The following CCDC57 variants were observed in gnomAD, a reference collection of about 807,000 sequenced individuals.
CCDC57 encodes the protein coiled-coil domain-containing protein 57.
CCDC57 carries 118 observed loss-of-function variants against 118.9 expected under a neutral mutation model. The observed-to-expected ratio is 0.99, with a 90% confidence interval of 0.86 to 1.16. The LOEUF is 1.16. Among genes scored for constraint, CCDC57 ranks in the 50% most tolerant of loss-of-function variants. The pLI is 0.00. For missense variants in CCDC57, 1,300 were observed against 1,320.7 expected, an observed-to-expected ratio of 0.98 and a Z score of 0.24; for synonymous variants, 527 against 532.9, an observed-to-expected ratio of 0.99 and a Z score of 0.15.
rs1020811208 is a variant in CCDC57 at position 82,127,225 on chromosome 17, C to T, written c.2899+467G>A. 6 of 985,288 alleles carry T rather than the reference C, an allele frequency of 6.1e-6. No homozygotes were observed. The African/African-American group carries it at 1.0e-4, about 17-fold the overall frequency. 61.0% of individuals were successfully genotyped at this position (985,288 alleles called of 1,614,324 possible). On this transcript the variant is annotated intron_variant, in intron 19 of 19. Transcript: ENST00000665763. ...AGGATGCGGCTGACACTTGTCTGGC[C>T]CGTGAGGCTGAGCATCACTGGGGTC...
intron 19 of CCDC57, among the ~76,000 whole-genome samples, chr17:82,121,768 G>C (rs530640061): frequency 6.6e-6 from 1 of 152,290 alleles, no homozygotes; most frequent in Admixed American, 6.5e-5. Context: ...GACCATTTTG[G>C]GCACTCAGGA....
chr17:82,144,126 T>C (rs1016128507), intron 16 of CCDC57, among the ~76,000 whole-genome samples: 2 of 151,878 alleles, frequency 1.3e-5, no homozygotes, highest in African/African-American at 4.8e-5. Context: ...GGCTGACCTC[T>C]CTGAAGACAT....
intron 13 of CCDC57, among the ~76,000 whole-genome samples, chr17:82,171,073 G>C (rs1599121531): frequency 6.6e-6 from 1 of 151,138 alleles, no homozygotes; most frequent in Non-Finnish European, 1.5e-5. Context: ...GCCAGGGCAC[G>C]TGGGCTCCGG....
exon 10 of CCDC57, chr17:82,179,045 C>T (rs752181361): frequency 5.0e-6 from 8 of 1,613,726 alleles, no homozygotes; most frequent in Non-Finnish European, 6.8e-6. Context: ...TTGCCATGCT[C>T]AGACCCTGAA....
intron 19 of CCDC57, chr17:82,107,631 CAGG>C (rs928392016): frequency 8.5e-6 from 4 of 469,272 alleles, no homozygotes; most frequent in African/African-American, 2.0e-5. Flanking sequence ...CCTGTTGTGA[CAGG>C]AGAAGGAGGG....
At chr17:82,170,557 G>A (rs80300340) in intron 13 of CCDC57, among the ~76,000 whole-genome samples, 54 of 150,726 alleles carry the variant, frequency 3.6e-4, no homozygotes, top group African/African-American at 1.3e-3. Context: ...AGCATGCAGC[G>A]GGGGAGGAGT....
chr17:82,122,387 C>T (rs952909031), intron 19 of CCDC57, among the ~76,000 whole-genome samples: 48 of 48,840 alleles, frequency 9.8e-4, no homozygotes, highest in African/African-American at 3.7e-3. Flanking sequence ...GCTCAGAAGT[C>T]GGAGCAAGCA....
At chr17:82,184,623 G>A (rs556082078) in intron 8 of CCDC57, among the ~76,000 whole-genome samples, 2 of 152,354 alleles carry the variant, frequency 1.3e-5, no homozygotes, top group Middle Eastern at 6.8e-3. Context: ...AAGAGCAACT[G>A]TAGCATCACA....
chr17:82,208,161 C>T (rs1352134588), intron 1 of CCDC57: 1 of 152,060 alleles, frequency 6.6e-6, no homozygotes, highest in African/African-American at 2.4e-5. Flanking sequence ...CCACCTGCCT[C>T]GGCCTCCCAA....
chr17:82,143,138 G>A (rs2145616325), intron 16 of CCDC57, among the ~76,000 whole-genome samples: 1 of 134,104 alleles, frequency 7.5e-6, no homozygotes, highest in African/African-American at 2.8e-5. Flanking sequence ...GGCAACAAGA[G>A]TGAAACTCCG....
intron 19 of CCDC57, among the ~76,000 whole-genome samples, chr17:82,125,940 T>A (rs11650635): frequency 6.6e-6 from 1 of 151,270 alleles, no homozygotes; most frequent in Non-Finnish European, 1.5e-5. Context: ...ATGCGGGAAG[T>A]GTGAGCGATG....
chr17:82,135,985 A>C (rs2039107624), intron 16 of CCDC57, among the ~76,000 whole-genome samples: 1 of 152,230 alleles, frequency 6.6e-6, no homozygotes, highest in Non-Finnish European at 1.5e-5. Context: ...ACCCCGACAG[A>C]AAATAGCAAG....
chr17:82,135,421 C>T (rs984235355), intron 16 of CCDC57: 4 of 146,862 alleles, frequency 2.7e-5, no homozygotes, highest in Admixed American at 6.8e-5. Flanking sequence ...AATTTTAAAG[C>T]TTTTTTATCA....
At chr17:82,178,114 C>T (rs753391083) in intron 11 of CCDC57, among the ~76,000 whole-genome samples, 1 of 152,188 alleles carries the variant, frequency 6.6e-6, no homozygotes, top group South Asian at 2.1e-4. Flanking sequence ...ACTTAACTAT[C>T]GGCCACTAAC....
intron 19 of CCDC57, among the ~76,000 whole-genome samples, chr17:82,117,547 A>T (rs2036077844): frequency 1.3e-5 from 2 of 152,126 alleles, no homozygotes; most frequent in African/African-American, 4.8e-5. Context: ...CTGAGGAAGG[A>T]GGAATGCTTG....
intron 11 of CCDC57, chr17:82,175,422 A>G (rs1337619619): frequency 1.3e-5 from 2 of 152,292 alleles, no homozygotes; most frequent in Non-Finnish European, 2.9e-5. Context: ...GGAGAAGTCA[A>G]GCTGGGAACT....
At chr17:82,105,626 A>G (rs1246068040) in intron 19 of CCDC57, among the ~76,000 whole-genome samples, 1 of 151,960 alleles carries the variant, frequency 6.6e-6, no homozygotes, top group African/African-American at 2.4e-5. Flanking sequence ...GAGCTCCTGG[A>G]GCTCAGCCCT....
chr17:82,208,697 A>AT (rs58043347), intron 1 of CCDC57, among the ~76,000 whole-genome samples: 7 of 150,494 alleles, frequency 4.7e-5, no homozygotes, highest in South Asian at 2.1e-4. Context: ...TGCCCAGTTA[A>AT]TTTTTTTTTT....
chr17:82,176,646 T>C (rs2045541347), intron 11 of CCDC57, among the ~76,000 whole-genome samples: 1 of 152,196 alleles, frequency 6.6e-6, no homozygotes, highest in South Asian at 2.1e-4. Flanking sequence ...CTATGTACTC[T>C]TGTCTCATTC....
Sources: allele counts gnomAD v4.1 joint callset (sites outside exome capture counted in the v4.1 genomes callset), GRCh38; gene constraint gnomAD v4.1.1; transcripts MANE v1.5; gene names NCBI Gene and HGNC (gene_info 2026-07-23, HGNC 2026-07-21).